Variants in VARS1 observed in about 807,000 individuals in gnomAD.
VARS1 encodes the protein valyl-tRNA synthetase 1.
Under a neutral mutation model 161.0 loss-of-function variants are expected in VARS1, and 92 were observed. The ratio of observed to expected loss-of-function variants is 0.57; its 90% CI spans 0.48 to 0.68. VARS1 has a LOEUF of 0.68. Among genes scored for constraint, VARS1 ranks in the 30% least tolerant of loss-of-function variants. The pLI is 0.00. For synonymous variants in VARS1, 595 were observed against 682.5 expected (o/e 0.87, Z 2.00); for missense variants, 1,338 against 1,695.9 (o/e 0.79, Z 3.71).
chr6:31,786,924 T>C (rs1813546055), intron 8 of VARS1, among the ~76,000 whole-genome samples: 1 of 151,884 alleles, frequency 6.6e-6, no homozygotes, highest in African/African-American at 2.4e-5. Flanking sequence ...AAAGAAACTT[T>C]AGATAGATTA....
rs772032197 is a variant in VARS1, at chr6:31,785,195, C to T, written c.1347+51G>A. On this transcript the variant is annotated intron_variant, in intron 10 of 29. Transcript: ENST00000375663. The surrounding 1 kb of genome is among the most constrained non-coding windows in gnomAD (Gnocchi z 6.1). Reference sequence around the variant, plus strand: ...TCTGCTTTCTCCTGTGGGGGTCCCACCCTGGGGAGACTCCTACTCCTGCCC... The same window carrying T: ...TCTGCTTTCTCCTGTGGGGGTCCCATCCTGGGGAGACTCCTACTCCTGCCC... The T allele has an allele frequency of 1.9e-6, 3 of 1,609,166 alleles. No homozygotes were observed. Among genetic ancestry groups the T allele is most frequent in the Non-Finnish European group, 1.7e-6 (2 of 1,176,660 alleles).
In VARS1 at chr6:31,784,860, C is replaced by T. The variant is rs1813398434; in HGVS notation, c.1348-146G>A. Reference sequence around the variant, plus strand: ...TCTGAGGGGAGTACTTTCCTTCTTTCCTTGAGGGGGAGAGAGGACTAAGGG... The same window carrying T: ...TCTGAGGGGAGTACTTTCCTTCTTTTCTTGAGGGGGAGAGAGGACTAAGGG... On this transcript the variant is annotated intron_variant, in intron 10 of 29. Coordinates refer to ENST00000375663, the MANE Select transcript of VARS1 (RefSeq NM_006295.3). The surrounding 1 kb of genome is among the most constrained non-coding windows in gnomAD (Gnocchi z 6.1). The T allele has an allele frequency of 8.2e-7, 1 of 1,221,184 alleles. No homozygotes were observed. Among genetic ancestry groups the T allele is most frequent in the African/African-American group, 1.5e-5 (1 of 65,784 alleles). The allele number at this position is 1,221,184 out of a possible 1,614,324, so 75.6% of individuals were successfully genotyped here.
chr6:31,777,965 G>A lies in VARS1; in HGVS notation c.3727-303C>T, dbSNP rs779781467. 139 of 500,918 alleles carry A rather than the reference G, an allele frequency of 2.8e-4. No individual in the cohort carries two copies. Among genetic ancestry groups the A allele is most frequent in the African/African-American group, 1.7e-3 (89 of 52,076 alleles). 31.0% of individuals were successfully genotyped at this position (500,918 alleles called of 1,614,324 possible). A position where few individuals can be genotyped will look rare whatever the true frequency, so the allele number is the denominator to read the frequency against. On this transcript the variant is annotated intron_variant, in intron 29 of 29. Coordinates refer to ENST00000375663, the MANE Select transcript of VARS1 (RefSeq NM_006295.3). This position sits in a 1 kb window ranked among gnomAD's most constrained non-coding sequence, Gnocchi z 5.8. The stretch of plus-strand genomic sequence containing the variant: ...GCAGGAGAGCACAGTCTCCCAGGCC[G>A]GTCACTTCATTTGTCAGATGATGAT...
In VARS1 at chr6:31,781,873, G is replaced by A. The variant is rs1344369822; in HGVS notation, c.2321C>T (p.Ser774Phe). The A allele has an allele frequency of 1.2e-6, 2 of 1,612,974 alleles. No homozygotes were observed. Among genetic ancestry groups the A allele is most frequent in the East Asian group, 4.5e-5 (2 of 44,874 alleles). The change falls in exon 19 of 30, where the codon TCC becomes TTC. Residue 774 changes from serine (S) to phenylalanine (F), a missense_variant. This residue lies in a region of VARS1 where 902 missense variants were observed against 1,090.3 expected (regional missense o/e 0.83). Coordinates refer to ENST00000375663, the MANE Select transcript of VARS1 (RefSeq NM_006295.3). The surrounding 1 kb of genome is among the most constrained non-coding windows in gnomAD (Gnocchi z 6.8). The stretch of plus-strand genomic sequence containing the variant: ...TTGCTGGAGACTGATCTTGTCAGGG[G>A]ACACTCCGAACTCCTTGGCTGCCTT... ...REKAAKEFGV[S>F]PDKISLQQDE...
Position 31,778,010 on chromosome 6 carries a change from C to T in VARS1, c.3727-348G>A, listed in dbSNP as rs1812854708. On this transcript the variant is annotated intron_variant, in intron 29 of 29. Coordinates refer to ENST00000375663, the MANE Select transcript of VARS1 (RefSeq NM_006295.3). The surrounding 1 kb of genome is among the most constrained non-coding windows in gnomAD (Gnocchi z 5.1). ...GATGATGATGATATTGCCCCCCTCCCAGGGCTCTTGGGAGAACCAAGTGAG... is the reference window on the plus strand; with the variant it reads ...GATGATGATGATATTGCCCCCCTCCTAGGGCTCTTGGGAGAACCAAGTGAG... The T allele has an allele frequency of 2.6e-6, 1 of 385,068 alleles. No individual in the cohort carries two copies. The highest frequency in any genetic ancestry group is 4.8e-6 in the Non-Finnish European group (1 of 208,568). 23.9% of individuals were successfully genotyped at this position (385,068 alleles called of 1,614,324 possible).
chr6:31,793,278 C>A (rs185023982), intron 2 of VARS1, among the ~76,000 whole-genome samples, 158 bp from the exon 3 acceptor site: 1 of 152,188 alleles, frequency 6.6e-6, no homozygotes, highest in African/African-American at 2.4e-5. Flanking sequence ...TACTTCTGGG[C>A]GGATCACGAG....
At position 31,780,586 on chromosome 6, in the gene VARS1, T is replaced by A. The variant is rs757755859; in HGVS notation, c.2798-18A>T. The A allele has an allele frequency of 1.2e-6, 2 of 1,612,642 alleles. No homozygotes were observed. The highest frequency in any genetic ancestry group is 1.7e-6 in the Non-Finnish European group (2 of 1,179,160). ...GTCACGACCTGGGTCGGGGGTGAGA[T>A]GTGAGTCCTCATCACCCTCTTCCCA... On this transcript the variant is annotated intron_variant, in intron 24 of 29. Coordinates refer to ENST00000375663, the MANE Select transcript of VARS1 (RefSeq NM_006295.3). This position sits in a 1 kb window ranked among gnomAD's most constrained non-coding sequence, Gnocchi z 5.1.
Position 31,782,697 on chromosome 6 carries a change from C to T in VARS1, c.1887+24G>A, listed in dbSNP as rs762782359. The T allele has an allele frequency of 6.2e-7, 1 of 1,612,916 alleles. No homozygotes were observed. Among genetic ancestry groups the T allele is most frequent in the Non-Finnish European group, 8.5e-7 (1 of 1,179,990 alleles). ...CATCCCTCCATCTCCCTGACCCGGG[C>T]ACTCTTGCCTCAGGCAGCCTCACCA... On this transcript the variant is annotated intron_variant, in intron 15 of 29. Transcript: ENST00000375663. This position sits in a 1 kb window ranked among gnomAD's most constrained non-coding sequence, Gnocchi z 8.3.
At chr6:31,787,932 C>T (rs920098948) in intron 8 of VARS1, among the ~76,000 whole-genome samples, 1 of 151,936 alleles carries the variant, frequency 6.6e-6, no homozygotes, top group Non-Finnish European at 1.5e-5. Context: ...TCTTGGCTAA[C>T]ACGGTGAAAC....
Position 31,791,882 on chromosome 6 carries a change from G to T in VARS1, c.961C>A (p.Pro321Thr). 6.2e-7 allele frequency: 1 copy of T among 1,609,106 alleles called. No individual in the cohort carries two copies. The highest frequency in any genetic ancestry group is 1.3e-5 in the African/African-American group (1 of 74,984). ...PWWEQQGFFK[P>T]EYGRPNVSAA... is the part of the protein sequence containing the mutation. The stretch of plus-strand genomic sequence containing the variant: ...CAGTGCCTACTCACCCCATACTCTG[G>T]CTTGAAGAAGCCCTGCTGCTCCCAC... The change falls in exon 7 of 30, where the codon CCA (proline) becomes ACA (threonine). Residue 321 changes from proline to threonine, a missense_variant. This residue lies in a region of VARS1 where 902 missense variants were observed against 1,090.3 expected (regional missense o/e 0.83). Transcript: ENST00000375663. The surrounding 1 kb of genome is among the most constrained non-coding windows in gnomAD (Gnocchi z 5.0).
At position 31,781,137 on chromosome 6, in the gene VARS1, G is replaced by T. The variant is rs1196476965; in HGVS notation, c.2545-14C>A. On this transcript the variant is annotated splice_polypyrimidine_tract_variant and intron_variant, in intron 21 of 29. Transcript: ENST00000375663. This position sits in a 1 kb window ranked among gnomAD's most constrained non-coding sequence, Gnocchi z 6.8. ...ATGGAGGTAGACCTGCAGAGCAGGT[G>T]GGGAGGCCCATGAGACTCAGTCCTC... 6 of 1,611,338 alleles carry T rather than the reference G, an allele frequency of 3.7e-6. No homozygotes were observed. Among genetic ancestry groups the T allele is most frequent in the South Asian group, 1.1e-5 (1 of 91,056 alleles).
At chr6:31,786,027 G>T (rs771336793) in intron 8 of VARS1, among the ~76,000 whole-genome samples, 2 of 152,216 alleles carry the variant, frequency 1.3e-5, no homozygotes, top group Non-Finnish European at 2.9e-5. Flanking sequence ...TTGGGAAGCC[G>T]AGGTGGGTGG....
chr6:31,784,756 C>T lies in VARS1; in HGVS notation c.1348-42G>A. ...AGAAGTCAGAGAGATGGGCCTTGTGCCTGGAGGCCCAGGCAGACACCCAGG... is the reference window on the plus strand; with the variant it reads ...AGAAGTCAGAGAGATGGGCCTTGTGTCTGGAGGCCCAGGCAGACACCCAGG... On this transcript the variant is annotated intron_variant, in intron 10 of 29. Coordinates refer to ENST00000375663, the MANE Select transcript of VARS1 (RefSeq NM_006295.3). This position sits in a 1 kb window ranked among gnomAD's most constrained non-coding sequence, Gnocchi z 6.1. 1.2e-6 allele frequency: 2 copies of T among 1,611,216 alleles called. No homozygotes were observed. Among genetic ancestry groups the T allele is most frequent in the Non-Finnish European group, 1.7e-6 (2 of 1,179,170 alleles).
At position 31,792,332 on chromosome 6, in the gene VARS1, G is replaced by T. The variant is rs769856718; in HGVS notation, c.787-31C>A. On this transcript the variant is annotated intron_variant, in intron 5 of 29. Coordinates refer to ENST00000375663, the MANE Select transcript of VARS1 (RefSeq NM_006295.3). Reference sequence around the variant, plus strand: ...TGGGAGGGAGAAGACATAGGCCCAGGCATCAGCCAACCCATCACCGCACAC... The same window carrying T: ...TGGGAGGGAGAAGACATAGGCCCAGTCATCAGCCAACCCATCACCGCACAC... 1.6e-5 allele frequency: 26 copies of T among 1,613,702 alleles called. No homozygotes were observed. In the Admixed American group the frequency reaches 4.2e-4, roughly 26 times the overall value.
chr6:31,785,474 G>T lies in VARS1; in HGVS notation c.1265+95C>A. 6.6e-7 allele frequency: 1 copy of T among 1,522,032 alleles called. No homozygotes were observed. Among genetic ancestry groups the T allele is most frequent in the South Asian group, 1.2e-5 (1 of 80,494 alleles). The allele number at this position is 1,522,032 out of a possible 1,614,324, so 94.3% of individuals were successfully genotyped here. On this transcript the variant is annotated intron_variant, in intron 9 of 29. Transcript: ENST00000375663. The surrounding 1 kb of genome is among the most constrained non-coding windows in gnomAD (Gnocchi z 6.1). ...TGACTCTGCCTCTGTGGGAGGGTCT[G>T]ACCCTGTGGCCAAGGGGTTACAGGT... is the stretch of plus-strand genomic sequence containing the variant.
Position 31,784,534 on chromosome 6 carries a change from G to GGGGCCA in VARS1, c.1468-38_1468-33dup, listed in dbSNP as rs753614525. The stretch of plus-strand genomic sequence containing the variant: ...AATGGGTATTTAGAGGCGTGGCCCA[G>GGGGCCA]GGGCCAGGGCCAGGGCCAGGGTAGA... On this transcript the variant is annotated intron_variant, in intron 11 of 29. Coordinates refer to ENST00000375663, the MANE Select transcript of VARS1 (RefSeq NM_006295.3). This position sits in a 1 kb window ranked among gnomAD's most constrained non-coding sequence, Gnocchi z 6.1. 1.1e-5 allele frequency: 17 copies of GGGGCCA among 1,613,626 alleles called. No individual in the cohort carries two copies. Among genetic ancestry groups the GGGGCCA allele is most frequent in the African/African-American group, 1.3e-5 (1 of 74,940 alleles).
Position 31,791,501 on chromosome 6 carries a change from C to A in VARS1, c.1100+109G>T, listed in dbSNP as rs1003815481. On this transcript the variant is annotated intron_variant, in intron 8 of 29. Transcript: ENST00000375663. The surrounding 1 kb of genome is among the most constrained non-coding windows in gnomAD (Gnocchi z 5.0). ...GAGAGAAGTGTAGCACCACTGGGGG[C>A]AGAAGTGAGCACCAACCCAGAAGGA... 9 of 1,441,928 alleles carry A rather than the reference C, an allele frequency of 6.2e-6. No individual in the cohort carries two copies. Among genetic ancestry groups the A allele is most frequent in the Non-Finnish European group, 8.3e-6 (9 of 1,083,760 alleles). 89.3% of individuals were successfully genotyped at this position (1,441,928 alleles called of 1,614,324 possible). A position where few individuals can be genotyped will look rare whatever the true frequency, so the allele number is the denominator to read the frequency against.
At position 31,795,467 on chromosome 6, in the gene VARS1, G is replaced by C. The variant is rs1333519674; in HGVS notation, c.-34+79C>G. On this transcript the variant is annotated intron_variant, in intron 1 of 29. Coordinates refer to ENST00000375663, the MANE Select transcript of VARS1 (RefSeq NM_006295.3). This position sits in a 1 kb window ranked among gnomAD's most constrained non-coding sequence, Gnocchi z 6.9. Reference sequence around the variant, plus strand: ...GGGAAGAGGAACTATCCACCATCGCGGGGCTTCGGGGAGTGTGGAAGGCTC... The same window carrying C: ...GGGAAGAGGAACTATCCACCATCGCCGGGCTTCGGGGAGTGTGGAAGGCTC... The C allele has an allele frequency of 7.9e-6, 3 of 378,616 alleles. No homozygotes were observed. Among genetic ancestry groups the C allele is most frequent in the Non-Finnish European group, 1.4e-5 (3 of 214,010 alleles). 23.5% of individuals were successfully genotyped at this position (378,616 alleles called of 1,614,324 possible).
Position 31,778,950 on chromosome 6 carries a change from C to A in VARS1, c.3726+17G>T. On this transcript the variant is annotated intron_variant, in intron 29 of 29. Transcript: ENST00000375663. This position sits in a 1 kb window ranked among gnomAD's most constrained non-coding sequence, Gnocchi z 5.1. Reference sequence around the variant, plus strand: ...AGGAAGGGGATGGTGTGGGAAATGCCCACCCAGGCCACACACCTTGGCTTC... The same window carrying A: ...AGGAAGGGGATGGTGTGGGAAATGCACACCCAGGCCACACACCTTGGCTTC... The A allele has an allele frequency of 6.2e-7, 1 of 1,612,968 alleles. No individual in the cohort carries two copies. The highest frequency in any genetic ancestry group is 8.5e-7 in the Non-Finnish European group (1 of 1,179,984).
Sources: gnomAD v4.1 joint callset for allele counts (sites outside exome capture counted in the v4.1 genomes callset) on GRCh38, gnomAD v4.1.1 for gene constraint, gnomAD v4.1.1 regional missense constraint, Gnocchi (gnomAD v3.1) non-coding constraint, MANE v1.5 for transcripts, NCBI Gene and HGNC (gene_info 2026-07-23, HGNC 2026-07-21) for gene names.